NVL: variants seen among roughly 807,000 people sequenced by gnomAD.
The protein encoded by NVL is nuclear valosin-containing protein-like.
A neutral mutation model predicts 110.2 loss-of-function variants in NVL; 84 were observed. That is an observed-to-expected ratio of 0.76 (90% CI 0.64 to 0.91). The LOEUF is 0.91. NVL is among the 40% of genes least tolerant of loss of function. The pLI is 0.00. For missense variants in NVL, 882 were observed against 1,035.9 expected, an observed-to-expected ratio of 0.85 and a Z score of 2.04; for synonymous variants, 354 against 361.1, an observed-to-expected ratio of 0.98 and a Z score of 0.22.
At chr1:224,288,566 A>G (rs1352574773) in intron 13 of NVL, among the ~76,000 whole-genome samples, 1 of 152,176 alleles carries the variant, frequency 6.6e-6, no homozygotes, top group Non-Finnish European at 1.5e-5. Context: ...GCAATATTAT[A>G]AAAGGAATGA....
At chr1:224,304,835 T>C in intron 7 of NVL, 23 bp from the exon 8 acceptor site, 1 of 1,597,292 alleles carries the variant, frequency 6.3e-7, no homozygotes, top group Non-Finnish European at 8.6e-7. Flanking sequence ...AATGAGGAGA[T>C]GAAAAGATTA....
At chr1:224,286,212 A>C in intron 14 of NVL, 82 bp from the exon 15 acceptor site, 2 of 917,802 alleles carry the variant, frequency 2.2e-6, no homozygotes, top group Non-Finnish European at 3.3e-6. Context: ...TACATATTTT[A>C]TGGTTTTTTT....
chr1:224,260,699 C>CTTTT (rs940200696), intron 18 of NVL, among the ~76,000 whole-genome samples: 6 of 126,332 alleles, frequency 4.7e-5, no homozygotes, highest in African/African-American at 9.7e-5. Flanking sequence ...TCTTCTTTTC[C>CTTTT]TTTTTTTTTT....
At chr1:224,235,631 T>C (rs928730246) in intron 20 of NVL, among the ~76,000 whole-genome samples, 5 of 150,756 alleles carry the variant, frequency 3.3e-5, no homozygotes, top group Non-Finnish European at 5.9e-5. Flanking sequence ...TGGAAGGACA[T>C]AATAGAGAAA....
intron 19 of NVL, among the ~76,000 whole-genome samples, chr1:224,240,061 A>ATTTTTT (rs34586586): frequency 1.1e-5 from 1 of 90,940 alleles, no homozygotes; most frequent in Admixed American, 1.5e-4. Flanking sequence ...ACGCTGGGTA[A>ATTTTTT]TTTTTTTTTT....
At chr1:224,285,200 G>GCCGA (rs1485742353) in intron 15 of NVL, among the ~76,000 whole-genome samples, 1 of 152,172 alleles carries the variant, frequency 6.6e-6, no homozygotes, top group African/African-American at 2.4e-5. Flanking sequence ...ACTTTGGGAG[G>GCCGA]CCGAGATGGG....
intron 22 of NVL, among the ~76,000 whole-genome samples, 192 bp downstream of exon 22, chr1:224,231,034 G>A (rs972167070): frequency 6.6e-6 from 1 of 151,738 alleles, no homozygotes; most frequent in African/African-American, 2.4e-5. Context: ...TTGGGAGGCT[G>A]AGGCAGGAGA....
chr1:224,254,389 CA>C (rs1416577134), intron 18 of NVL, among the ~76,000 whole-genome samples: 5 of 82,404 alleles, frequency 6.1e-5, no homozygotes, highest in Admixed American at 3.9e-4. Context: ...CAGTGCCTGG[CA>C]TTTTTTTTTT....
At chr1:224,262,426 C>T (rs917638063) in intron 18 of NVL, among the ~76,000 whole-genome samples, 6 of 152,062 alleles carry the variant, frequency 3.9e-5, no homozygotes, top group Admixed American at 3.9e-4. Flanking sequence ...AAAAAATCTA[C>T]TTCCTACATA....
chr1:224,255,689 CGTGTACCACTGT>C (rs1553311335), intron 18 of NVL, among the ~76,000 whole-genome samples: 1 of 152,170 alleles, frequency 6.6e-6, no homozygotes, highest in Non-Finnish European at 1.5e-5. Context: ...GGTTTACAGG[CGTGTACCACTGT>C]ACCTGGCTTA....
At chr1:224,293,057 A>G (rs1222813217) in intron 12 of NVL, among the ~76,000 whole-genome samples, 1 of 140,750 alleles carries the variant, frequency 7.1e-6, no homozygotes, top group Non-Finnish European at 1.5e-5. Flanking sequence ...ACCCGACCTA[A>G]TATTTCAGAA....
chr1:224,305,292 A>G, intron 6 of NVL, 126 bp from the exon 7 acceptor site: 1 of 887,008 alleles, frequency 1.1e-6, no homozygotes, highest in Non-Finnish European at 1.7e-6. Flanking sequence ...TCTGTTAACT[A>G]TTCCCAATCT....
chr1:224,309,075 A>C (rs1241184269), intron 5 of NVL, among the ~76,000 whole-genome samples: 7 of 151,538 alleles, frequency 4.6e-5, no homozygotes, highest in East Asian at 3.9e-4. Flanking sequence ...AAAAAAAAAA[A>C]AAAAAAAGAC....
At chr1:224,287,702 C>T in intron 14 of NVL, 73 bp downstream of exon 14, 2 of 1,264,822 alleles carry the variant, frequency 1.6e-6, no homozygotes, top group African/African-American at 1.5e-5. Flanking sequence ...GAACCTAGTA[C>T]ACATGCATGG....
chr1:224,330,099 T>C lies in NVL; in HGVS notation c.29A>G (p.Asp10Gly), dbSNP rs771604854. The C allele has an allele frequency of 3.1e-6, 5 of 1,614,066 alleles. No individual in the cohort carries two copies. The Admixed American group carries it at 8.3e-5, about 27-fold the overall frequency. Residue 10 changes from aspartate (D) to glycine (G), a missense_variant, in exon 1 of 23, where the codon GAT (aspartate) becomes GGT (glycine). Asp to Gly is a moderately conservative substitution (Grantham distance 94). Coordinates refer to ENST00000281701, the MANE Select transcript of NVL (RefSeq NM_002533.4). ...GATGACTCGCTGCTTGAGTTTATTA[T>C]CCACGAACCCTGCAGGTCTGGGCTT... MKPRPAGFVDNKLKQRVIQY... is the reference protein window; with the variant it reads MKPRPAGFVGNKLKQRVIQY...
chr1:224,270,419 A>T (rs1664966846), intron 17 of NVL, among the ~76,000 whole-genome samples: 1 of 152,076 alleles, frequency 6.6e-6, no homozygotes, highest in African/African-American at 2.4e-5. Context: ...TTAGCTGGGC[A>T]TGGTGGTGGG....
chr1:224,323,795 G>A (rs1229765159), intron 2 of NVL, among the ~76,000 whole-genome samples: 1 of 152,214 alleles, frequency 6.6e-6, no homozygotes, highest in African/African-American at 2.4e-5. Flanking sequence ...GGAGCCCACA[G>A]GGCAGGGCAT....
At chr1:224,229,399 T>C (rs1659613361) in intron 22 of NVL, among the ~76,000 whole-genome samples, 1 of 152,144 alleles carries the variant, frequency 6.6e-6, no homozygotes, top group Admixed American at 6.6e-5. Context: ...GTCATTGTGG[T>C]AGGTGTGTAG....
chr1:224,238,425 T>C (rs562192153), intron 19 of NVL, among the ~76,000 whole-genome samples: 2 of 152,316 alleles, frequency 1.3e-5, no homozygotes, highest in Non-Finnish European at 1.5e-5. Flanking sequence ...GCTGCCGGCC[T>C]TGTGCACTAG....
Sources: gnomAD v4.1 joint callset for allele counts (sites outside exome capture counted in the v4.1 genomes callset) on GRCh38, gnomAD v4.1.1 for gene constraint, MANE v1.5 for transcripts, NCBI Gene and HGNC (gene_info 2026-07-23, HGNC 2026-07-21) for gene names.